VGLL4: variants seen among roughly 807,000 people sequenced by gnomAD.
VGLL4 encodes vestigial like family member 4.
A neutral mutation model predicts 21.0 loss-of-function variants in VGLL4; 7 were observed. The observed-to-expected ratio is 0.33, with a 90% CI of 0.19 to 0.63. The LOEUF is 0.63. Among genes scored for constraint, VGLL4 ranks in the 20% least tolerant of loss-of-function variants. The pLI, the probability that VGLL4 is intolerant of heterozygous loss-of-function variation, is 0.78. For missense variants in VGLL4, 394 were observed against 425.7 expected (o/e 0.93, Z 0.66); for synonymous variants, 222 against 173.2 (o/e 1.28, Z -2.21).
At chr3:11,628,061 T>C (rs1414906391) in intron 1 of VGLL4, among the ~76,000 whole-genome samples, 1 of 152,218 alleles carries the variant, frequency 6.6e-6, no homozygotes, top group Non-Finnish European at 1.5e-5. Context: ...AGAACTACAC[T>C]GACTGGATCA....
chr3:11,709,303 A>G (rs1381280468), intron 1 of VGLL4, among the ~76,000 whole-genome samples: 2 of 150,596 alleles, frequency 1.3e-5, no homozygotes, highest in African/African-American at 4.9e-5. Context: ...CAGGCATGGT[A>G]GCAGGCACCT....
Position 11,682,970 on chromosome 3 carries a change from G to A in VGLL4, c.64+20001C>T, listed in dbSNP as rs192225947. ...AGGCCAGGCGCGGTGGTTCACACCT[G>A]TAATCCCAGAACTTTGGGAGGCCGA... On this transcript the variant is annotated intron_variant, in intron 2 of 5. Transcript: ENST00000273038. Among the ~76,000 whole-genome samples, 57 of 152,230 alleles carry A rather than the reference G, an allele frequency of 3.7e-4. No homozygotes were observed. In the East Asian group the frequency reaches 9.5e-3, roughly 25 times the overall value.
intron 1 of VGLL4, among the ~76,000 whole-genome samples, chr3:11,717,896 A>G (rs759668279): frequency 7.2e-5 from 11 of 152,212 alleles, no homozygotes; most frequent in Non-Finnish European, 1.6e-4. Flanking sequence ...AATAAGATAC[A>G]AAGTTTGAGT....
chr3:11,691,321 T>C (rs1452190290), intron 2 of VGLL4, among the ~76,000 whole-genome samples: 5 of 151,646 alleles, frequency 3.3e-5, no homozygotes, highest in African/African-American at 7.3e-5. Flanking sequence ...AAGTCTTACA[T>C]AAAAATCCAG....
In VGLL4 at chr3:11,682,955, C is replaced by T. The variant is rs545204872; in HGVS notation, c.64+20016G>A. On this transcript the variant is annotated intron_variant, in intron 2 of 5. Coordinates refer to the VGLL4 transcript ENST00000273038. ...ATTAAACTACACGAGAGGCCAGGCGCGGTGGTTCACACCTGTAATCCCAGA... is the reference window on the plus strand; with the variant it reads ...ATTAAACTACACGAGAGGCCAGGCGTGGTGGTTCACACCTGTAATCCCAGA... 1.7e-3 allele frequency among the ~76,000 whole-genome samples: 261 copies of T among 152,088 alleles called. 1 individual carries two copies. Among genetic ancestry groups the T allele is most frequent in the African/African-American group, 6.2e-3 (257 of 41,500 alleles).
intron 1 of VGLL4, among the ~76,000 whole-genome samples, chr3:11,715,623 C>T (rs1456839706): frequency 1.3e-5 from 2 of 152,040 alleles, no homozygotes; most frequent in Non-Finnish European, 2.9e-5. Flanking sequence ...TGTGAGCCAC[C>T]GGGCCCGGCC....
intron 2 of VGLL4, among the ~76,000 whole-genome samples, chr3:11,677,033 T>C (rs2076301070): frequency 6.6e-6 from 1 of 152,234 alleles, no homozygotes; most frequent in South Asian, 2.1e-4. Context: ...GTGCAACACA[T>C]GCATTTATGG....
intron 1 of VGLL4, chr3:11,604,264 G>GCGCCCCCACGCCCACCCCCCACCC (rs1575442679): frequency 1.8e-6 from 1 of 571,008 alleles, no homozygotes. Flanking sequence ...AGCCCAGGAA[G>GCGCCCCCACGCCCACCCCCCACCC]CACGGTTTGC....
At chr3:11,704,651 G>T (rs2076734302) in intron 1 of VGLL4, among the ~76,000 whole-genome samples, 3 of 152,004 alleles carry the variant, frequency 2.0e-5, no homozygotes, top group Admixed American at 2.0e-4. Context: ...GTTTTTCTAT[G>T]GTAAATAAGT....
chr3:11,680,160 C>T (rs2076349196), intron 2 of VGLL4, among the ~76,000 whole-genome samples: 1 of 152,216 alleles, frequency 6.6e-6, no homozygotes, highest in African/African-American at 2.4e-5. Flanking sequence ...CAGGTGATCC[C>T]ACACAGCCTA....
chr3:11,716,072 G>A (rs1052585195), intron 1 of VGLL4, among the ~76,000 whole-genome samples: 5 of 152,026 alleles, frequency 3.3e-5, no homozygotes, highest in Non-Finnish European at 7.4e-5. Context: ...GGGAGGCCGA[G>A]GCAGGCAGAT....
At chr3:11,659,055 G>A (rs2075996735) in intron 2 of VGLL4, among the ~76,000 whole-genome samples, 1 of 152,070 alleles carries the variant, frequency 6.6e-6, no homozygotes, top group Non-Finnish European at 1.5e-5. Flanking sequence ...CAATTTCCAT[G>A]CCTCTAAGAA....
intron 2 of VGLL4, chr3:11,671,406 A>G (rs748228227): frequency 7.3e-6 from 6 of 823,710 alleles, no homozygotes; most frequent in Non-Finnish European, 2.1e-6. Flanking sequence ...TGTGGGCCAC[A>G]TGTAAGTAAC....
chr3:11,651,713 A>G (rs2075875161), intron 2 of VGLL4, among the ~76,000 whole-genome samples: 2 of 152,300 alleles, frequency 1.3e-5, no homozygotes, highest in Admixed American at 1.3e-4. Flanking sequence ...AATGCCTTAA[A>G]TATCAATGAC....
intron 1 of VGLL4, among the ~76,000 whole-genome samples, chr3:11,632,243 G>A (rs2345338): frequency 0.39 from 59,477 of 151,896 alleles, 12,638 homozygotes; most frequent in Non-Finnish European, 0.5. Context: ...AACCCAGGAG[G>A]CAGAGGTTGC....
chr3:11,639,737 G>A (rs1352611303), intron 1 of VGLL4, among the ~76,000 whole-genome samples: 6 of 152,178 alleles, frequency 3.9e-5, no homozygotes, highest in African/African-American at 9.7e-5. Context: ...GCTGGTCATG[G>A]TGCAGGGCAC....
At chr3:11,616,302 G>A (rs1173611939) in intron 1 of VGLL4, among the ~76,000 whole-genome samples, 1 of 152,186 alleles carries the variant, frequency 6.6e-6, no homozygotes, top group Non-Finnish European at 1.5e-5. Flanking sequence ...GCAAGTAAGT[G>A]TTCCTTGGTC....
rs1029309626 is a variant in VGLL4, at chr3:11,568,224, G to A, written c.273-3205C>T. On this transcript the variant is annotated intron_variant, in intron 2 of 4. Coordinates refer to ENST00000430365, the MANE Select transcript of VGLL4 (RefSeq NM_001128219.3). This position sits in a 1 kb window ranked among gnomAD's most constrained non-coding sequence, Gnocchi z 5.9. Reference sequence around the variant, plus strand: ...CAAAGCCAAAGTCGTGGTACATAAGGCACTGCCCACCCCTCGCACCTTATG... The same window carrying A: ...CAAAGCCAAAGTCGTGGTACATAAGACACTGCCCACCCCTCGCACCTTATG... Among the ~76,000 whole-genome samples the A allele has an allele frequency of 2.0e-5, 3 of 152,204 alleles. No homozygotes were observed. The highest frequency in any genetic ancestry group is 2.9e-5 in the Non-Finnish European group (2 of 68,034).
intron 2 of VGLL4, among the ~76,000 whole-genome samples, chr3:11,580,828 G>A (rs2074202580): frequency 6.6e-6 from 1 of 152,076 alleles, no homozygotes; most frequent in Non-Finnish European, 1.5e-5. Context: ...GGCACACAAG[G>A]GGCCCACTGG....
Sources: gnomAD v4.1 joint callset for allele counts (sites outside exome capture counted in the v4.1 genomes callset) on GRCh38, gnomAD v4.1.1 for gene constraint, Gnocchi (gnomAD v3.1) non-coding constraint, MANE v1.5 for transcripts, NCBI Gene and HGNC (gene_info 2026-07-23, HGNC 2026-07-21) for gene names.